POLQ: variants seen among roughly 807,000 people sequenced by gnomAD.
POLQ encodes epididymis secretory sperm binding protein.
Under a neutral mutation model 259.2 loss-of-function variants are expected in POLQ, and 233 were observed. The ratio of observed to expected loss-of-function variants is 0.90; its 90% confidence interval spans 0.81 to 1.00. POLQ has a LOEUF of 1.00. Among genes scored for constraint, POLQ ranks in the 50% least tolerant of loss-of-function variants. The probability of loss-of-function intolerance (pLI) is 0.00; values close to 1 mark genes in which losing one functional copy is unlikely to be tolerated. For missense variants in POLQ, 2,871 were observed against 3,051.6 expected (o/e 0.94, Z 1.39); for synonymous variants, 1,025 against 1,048.8 (o/e 0.98, Z 0.44).
Position 121,449,360 on chromosome 3 carries a change from T to A in POLQ, c.7219A>T (p.Asn2407Tyr). Residue 2407 changes from asparagine (N) to tyrosine (Y), a missense_variant, in exon 26 of 30, where the codon AAT becomes TAT. Asn to Tyr is a moderately radical substitution (Grantham distance 143, BLOSUM62 -2). Coordinates refer to ENST00000264233, the MANE Select transcript of POLQ (RefSeq NM_199420.4). ...SLGEQMGIKE[N>Y]DAACYIDSFK... is the part of the protein sequence containing the mutation. ...GAGTCAATATAGCATGCAGCATCAT[T>A]TTCTTTAATGCCCATCTGCTCTCCC... 3 of 1,606,578 alleles carry A rather than the reference T, an allele frequency of 1.9e-6. No individual in the cohort carries two copies. The highest frequency in any genetic ancestry group is 2.6e-6 in the Non-Finnish European group (3 of 1,173,222).
At chr3:121,544,626 A>G (rs943454969) in intron 2 of POLQ, 101 bp downstream of exon 2, 2 of 692,828 alleles carry the variant, frequency 2.9e-6, no homozygotes, top group African/African-American at 1.8e-5. Context: ...GTTATAAAGC[A>G]CTGCCTCATT....
At chr3:121,523,669 C>T (rs1576426043) in intron 7 of POLQ, among the ~76,000 whole-genome samples, 1 of 152,122 alleles carries the variant, frequency 6.6e-6, no homozygotes, top group East Asian at 1.9e-4. Context: ...GAGCTGAGAT[C>T]ATGCCACTGC....
intron 12 of POLQ, among the ~76,000 whole-genome samples, chr3:121,508,944 T>G (rs1225504560): frequency 7.0e-6 from 1 of 143,012 alleles, no homozygotes; most frequent in Non-Finnish European, 1.5e-5. Context: ...CAAAATAATA[T>G]TCACAGAGCA....
chr3:121,518,104 T>A (rs1417795816), intron 9 of POLQ, among the ~76,000 whole-genome samples: 1 of 152,226 alleles, frequency 6.6e-6, no homozygotes, highest in Non-Finnish European at 1.5e-5. Flanking sequence ...AACATTTTCA[T>A]CACTTCATCA....
In POLQ at chr3:121,539,457, C is replaced by G. The variant is rs1178041828; in HGVS notation, c.607G>C (p.Glu203Gln). ...CCTAACAGATCCATCTTATTTTCCT[C>G]TATGAGGCGATTGATCAGACCATTG... ...RANGLINRLI[E>Q]ENKMDLLGMV... The change falls in exon 4 of 30, where the codon GAG becomes CAG. Residue 203 changes from glutamate to glutamine, a missense_variant. Glu to Gln is a conservative substitution (Grantham distance 29). Coordinates refer to ENST00000264233, the MANE Select transcript of POLQ (RefSeq NM_199420.4). 6 of 1,607,934 alleles carry G rather than the reference C, an allele frequency of 3.7e-6. No homozygotes were observed. In the African/African-American group the frequency reaches 8.0e-5, roughly 22 times the overall value.
intron 24 of POLQ, among the ~76,000 whole-genome samples, chr3:121,466,060 T>A (rs2047832816): frequency 6.6e-6 from 1 of 152,146 alleles, no homozygotes; most frequent in African/African-American, 2.4e-5. Context: ...TTAAAAGTGT[T>A]ACTACGCTGA....
chr3:121,477,714 C>A (rs2047938790), intron 19 of POLQ, among the ~76,000 whole-genome samples: 1 of 152,092 alleles, frequency 6.6e-6, no homozygotes, highest in Non-Finnish European at 1.5e-5. Context: ...AAGAAAGAAT[C>A]CCTAAGACTT....
At chr3:121,499,766 CAG>C (rs1194833951) in intron 12 of POLQ, among the ~76,000 whole-genome samples, 1 of 151,850 alleles carries the variant, frequency 6.6e-6, no homozygotes, top group African/African-American at 2.4e-5. Flanking sequence ...GTCTCAAACA[CAG>C]GGGGAAAAGC....
rs756921479 is a variant in POLQ at position 121,476,716 on chromosome 3, C to T, written c.6229G>A (p.Glu2077Lys). The T allele has an allele frequency of 6.3e-7, 1 of 1,599,588 alleles. No homozygotes were observed. Among genetic ancestry groups the T allele is most frequent in the Admixed American group, 1.8e-5 (1 of 55,752 alleles). The change falls in exon 20 of 30, where the codon GAA becomes AAA. Residue 2077 changes from glutamate to lysine, a missense_variant. Coordinates refer to ENST00000264233, the MANE Select transcript of POLQ (RefSeq NM_199420.4). ...ENLQDVFRKV[E>K]MPSQYCLALL... ...GCCAAGCAGTACTGAGAGGGCATTT[C>T]CACCTTACGGAAAACATCTGGAAGA...
intron 25 of POLQ, among the ~76,000 whole-genome samples, chr3:121,455,917 C>T (rs1435610129): frequency 2.6e-5 from 2 of 77,102 alleles, no homozygotes; most frequent in East Asian, 9.6e-4. Flanking sequence ...CAAAGCCTGG[C>T]AGAGACAACC....
chr3:121,491,465 A>G (rs2048068429), intron 15 of POLQ, among the ~76,000 whole-genome samples: 1 of 152,096 alleles, frequency 6.6e-6, no homozygotes. Context: ...AACAAAAGAA[A>G]GCAGAAATTG....
At chr3:121,491,325 G>A (rs2048066686) in intron 15 of POLQ, among the ~76,000 whole-genome samples, 1 of 125,534 alleles carries the variant, frequency 8.0e-6, no homozygotes, top group Non-Finnish European at 1.6e-5. Flanking sequence ...TGCACTCCAG[G>A]GCGACAGAGC....
At chr3:121,535,715 CAA>C (rs34317903) in intron 5 of POLQ, among the ~76,000 whole-genome samples, 14 of 107,374 alleles carry the variant, frequency 1.3e-4, no homozygotes, top group East Asian at 1.2e-3. Flanking sequence ...AACTCCATCT[CAA>C]AAAAAAAAAA....
At chr3:121,441,400 T>C (rs1414593288) in intron 26 of POLQ, among the ~76,000 whole-genome samples, 2 of 152,200 alleles carry the variant, frequency 1.3e-5, no homozygotes, top group Non-Finnish European at 2.9e-5. Context: ...TCAGGCCCCA[T>C]GATCACCCTC....
chr3:121,465,875 T>C (rs185497355), intron 24 of POLQ, among the ~76,000 whole-genome samples: 2 of 152,284 alleles, frequency 1.3e-5, no homozygotes, highest in Admixed American at 1.3e-4. Flanking sequence ...GGCAATGGCC[T>C]CTAAGTGTTC....
intron 23 of POLQ, 47 bp from the exon 24 acceptor site, chr3:121,467,687 T>C (rs565311476): frequency 1.3e-4 from 205 of 1,585,700 alleles, no homozygotes; most frequent in Admixed American, 9.4e-4. Context: ...CAGTCTCAAA[T>C]ATATGAAAAA....
intron 22 of POLQ, among the ~76,000 whole-genome samples, chr3:121,471,760 AAAATAAAT>A (rs539806767): frequency 6.6e-6 from 1 of 152,016 alleles, no homozygotes; most frequent in African/African-American, 2.4e-5. Context: ...ACTCTGTCTC[AAAATAAAT>A]AAATAAATAA....
chr3:121,515,270 C>T (rs996634290), intron 9 of POLQ, among the ~76,000 whole-genome samples: 6 of 152,120 alleles, frequency 3.9e-5, no homozygotes, highest in African/African-American at 1.4e-4. Context: ...TCAAGCGATC[C>T]TTCCATCTCA....
chr3:121,520,997 T>G (rs181977314), intron 8 of POLQ, among the ~76,000 whole-genome samples: 1 of 152,372 alleles, frequency 6.6e-6, no homozygotes, highest in Admixed American at 6.5e-5. Flanking sequence ...GGTTCTAGTT[T>G]TAAAATTAAG....
Sources: allele counts gnomAD v4.1 joint callset (sites outside exome capture counted in the v4.1 genomes callset), GRCh38; gene constraint gnomAD v4.1.1; transcripts MANE v1.5; gene names NCBI Gene and HGNC (gene_info 2026-07-23, HGNC 2026-07-21).